The following ADAMTS5 variants were observed in gnomAD, a reference collection of about 807,000 sequenced individuals.
ADAMTS5 encodes the protein A disintegrin and metalloproteinase with thrombospondin motifs 5.
A neutral mutation model predicts 81.4 loss-of-function variants in ADAMTS5; 54 were observed. The observed-to-expected ratio is 0.66, with a 90% CI of 0.53 to 0.83. The LOEUF (loss-of-function observed/expected upper bound fraction) is 0.83, where lower values mean the gene tolerates loss of function less well. Among genes scored for constraint, ADAMTS5 ranks in the 40% least tolerant of loss-of-function variants. ADAMTS5 has a pLI of 0.00. For missense variants in ADAMTS5, 1,194 were observed against 1,229.9 expected (o/e 0.97, Z 0.44); for synonymous variants, 532 against 508.8 (o/e 1.05, Z -0.61).
chr21:26,945,296 G>T (rs1002828354), intron 2 of ADAMTS5, among the ~76,000 whole-genome samples: 2 of 152,088 alleles, frequency 1.3e-5, no homozygotes, highest in Non-Finnish European at 2.9e-5. Context: ...TGAGGGATAT[G>T]GTGGAAATTT....
At position 26,965,666 on chromosome 21, in the gene ADAMTS5, G is replaced by C. The variant is rs769813954; in HGVS notation, c.726C>G (p.Ser242=). ...AALASQLLDQ[S]ALSPAGGSGP... Reference sequence around the variant, plus strand: ...CTGAGCCCCCAGCGGGCGAGAGAGCGGACTGGTCCAAGAGCTGCGAGGCCA... The same window carrying C: ...CTGAGCCCCCAGCGGGCGAGAGAGCCGACTGGTCCAAGAGCTGCGAGGCCA... Residue 242 remains serine (S), a synonymous_variant, in exon 1 of 8, where the codon TCC becomes TCG. Coordinates refer to ENST00000284987, the MANE Select transcript of ADAMTS5 (RefSeq NM_007038.5). 1 of 1,590,240 alleles carries C rather than the reference G, an allele frequency of 6.3e-7. No individual in the cohort carries two copies. The highest frequency in any genetic ancestry group is 1.1e-5 in the South Asian group (1 of 88,766).
At position 26,934,715 on chromosome 21, in the gene ADAMTS5, G is replaced by A. The variant is rs1161444439; in HGVS notation, c.1440C>T (p.Ile480=). The part of the protein sequence containing the change: ...NCLLDLPRKQ[I]LGPEELPGQT... ...GTCCTGGGAGTTCTTCGGGGCCCAG[G>A]ATCTGCTTTCGTGGTAGGTCCAGCA... The change falls in exon 4 of 8, where the codon ATC becomes ATT. Residue 480 remains isoleucine, a synonymous_variant. Coordinates refer to ENST00000284987, the MANE Select transcript of ADAMTS5 (RefSeq NM_007038.5). The A allele has an allele frequency of 1.2e-6, 2 of 1,614,194 alleles. No individual in the cohort carries two copies. Among genetic ancestry groups the A allele is most frequent in the Non-Finnish European group, 1.7e-6 (2 of 1,180,028 alleles).
At chr21:26,954,925 C>T (rs769428857) in intron 1 of ADAMTS5, 54 bp from the exon 2 acceptor site, 408 of 1,599,430 alleles carry the variant, frequency 2.6e-4, no homozygotes, top group Middle Eastern at 2.2e-3. Flanking sequence ...CAGAAGGAGC[C>T]GCCACATAGA....
intron 7 of ADAMTS5, among the ~76,000 whole-genome samples, chr21:26,925,393 T>C (rs1986788339): frequency 6.6e-6 from 1 of 152,144 alleles, no homozygotes; most frequent in East Asian, 1.9e-4. Flanking sequence ...TTTTCTGAAT[T>C]CTTAGTGCCC....
rs772676536 is a variant in ADAMTS5 at position 26,965,868 on chromosome 21, T to A, written c.524A>T (p.Glu175Val). Residue 175 changes from glutamate (E) to valine (V), a missense_variant, in exon 1 of 8, where the codon GAG becomes GTG. Physicochemically the swap from Glu to Val is moderately radical, Grantham distance 121. Transcript: ENST00000284987. Reference sequence around the variant, plus strand: ...CCCGTACACGCGCCCCTTTTCTTCCTCCGCCCAGGGTCCGCGCAGCAGTGG... The same window carrying A: ...CCCGTACACGCGCCCCTTTTCTTCCACCGCCCAGGGTCCGCGCAGCAGTGG... ...LKPLLRGPWAEEEKGRVYGDG... is the reference protein window; with the variant it reads ...LKPLLRGPWAVEEKGRVYGDG... The A allele has an allele frequency of 3.1e-6, 5 of 1,613,504 alleles. No individual in the cohort carries two copies. The highest frequency in any genetic ancestry group is 4.5e-5 in the East Asian group (2 of 44,836).
chr21:26,947,726 C>A (rs139753993), intron 2 of ADAMTS5, among the ~76,000 whole-genome samples: 1 of 152,140 alleles, frequency 6.6e-6, no homozygotes, highest in Non-Finnish European at 1.5e-5. Flanking sequence ...TGAACCACTG[C>A]GCCCGATCAG....
intron 1 of ADAMTS5, among the ~76,000 whole-genome samples, chr21:26,960,340 T>A (rs1174022146): frequency 1.3e-5 from 2 of 152,216 alleles, no homozygotes; most frequent in African/African-American, 4.8e-5. Context: ...TTTCAATGAT[T>A]GCCATTGCAC....
chr21:26,944,842 A>G (rs551653411), intron 2 of ADAMTS5, among the ~76,000 whole-genome samples: 39 of 152,254 alleles, frequency 2.6e-4, no homozygotes, highest in Non-Finnish European at 5.0e-4. Flanking sequence ...CCTCATAACA[A>G]AATTGTCCAC....
At chr21:26,930,619 C>T (rs7281494) in intron 6 of ADAMTS5, among the ~76,000 whole-genome samples, 1,982 of 152,152 alleles carry the variant, frequency 0.013, 38 homozygotes, top group African/African-American at 0.04. Context: ...GTTAGATGAA[C>T]GGACTTACTG....
At chr21:26,952,115 CA>C (rs1490560040) in intron 2 of ADAMTS5, among the ~76,000 whole-genome samples, 1 of 152,080 alleles carries the variant, frequency 6.6e-6, no homozygotes, top group Non-Finnish European at 1.5e-5. Context: ...ATATGTAATA[CA>C]AAAGGGAAGT....
At chr21:26,931,610 AG>A (rs1417195895) in intron 6 of ADAMTS5, among the ~76,000 whole-genome samples, 1 of 152,188 alleles carries the variant, frequency 6.6e-6, no homozygotes, top group Non-Finnish European at 1.5e-5. Flanking sequence ...GGCTCATCAA[AG>A]GAATTCTTAA....
chr21:26,929,963 C>A lies in ADAMTS5; in HGVS notation c.2148G>T (p.Leu716=). 4 of 1,614,140 alleles carry A rather than the reference C, an allele frequency of 2.5e-6. No individual in the cohort carries two copies. In the South Asian group the frequency reaches 3.3e-5, roughly 13 times the overall value. ...CACATACTCCGCACTTGTCATACTG[C>A]AGCTTTGAGCCAATGATGCCGTCAC... is the stretch of plus-strand genomic sequence containing the variant. ...TGCDGIIGSK[L]QYDKCGVCGG... The change falls in exon 7 of 8, where the codon CTG becomes CTT. Residue 716 remains leucine (L), a synonymous_variant. Coordinates refer to ENST00000284987, the MANE Select transcript of ADAMTS5 (RefSeq NM_007038.5).
chr21:26,927,448 G>C (rs1471742983), intron 7 of ADAMTS5, among the ~76,000 whole-genome samples: 1 of 152,170 alleles, frequency 6.6e-6, no homozygotes, highest in Non-Finnish European at 1.5e-5. Context: ...ATTCTGGAAA[G>C]TGTACTGCTC....
Position 26,924,340 on chromosome 21 carries a change from C to A in ADAMTS5, c.2506G>T (p.Ala836Ser). ...TKEILIVQIL[A>S]TDPTKPLDVR... is the part of the protein sequence containing the mutation. ...TCTAATGGTTTAGTGGGGTCTGTTG[C>A]AAGAATCTGCACTATTAGAATTTCC... The change falls in exon 8 of 8, where the codon GCA (alanine) becomes TCA (serine). Residue 836 changes from alanine to serine, a missense_variant. By Grantham distance (99) the Ala-to-Ser change is moderately conservative. Transcript: ENST00000284987. The A allele has an allele frequency of 6.2e-7, 1 of 1,614,186 alleles. No individual in the cohort carries two copies. The highest frequency in any genetic ancestry group is 8.5e-7 in the Non-Finnish European group (1 of 1,180,038).
At chr21:26,961,244 T>A (rs1325111231) in intron 1 of ADAMTS5, among the ~76,000 whole-genome samples, 4 of 152,260 alleles carry the variant, frequency 2.6e-5, no homozygotes, top group Non-Finnish European at 5.9e-5. Context: ...GGTTACAGAT[T>A]GTTGAAATGA....
chr21:26,918,853 G>C lies in ADAMTS5; in HGVS notation c.*5200C>G, dbSNP rs1238047552. The C allele has an allele frequency of 1.3e-5, 2 of 151,440 alleles. No individual in the cohort carries two copies. The highest frequency in any genetic ancestry group is 2.4e-5 in the African/African-American group (1 of 41,218). 9.4% of individuals were successfully genotyped at this position (151,440 alleles called of 1,614,324 possible). ...CACGACAGTTTGAATGGAATGCTGA[G>C]GACTTAGTGAATGCTGAAATATGAC... is the stretch of plus-strand genomic sequence containing the variant. On this transcript the variant is annotated 3_prime_UTR_variant, in exon 8 of 8. Coordinates refer to ENST00000284987, the MANE Select transcript of ADAMTS5 (RefSeq NM_007038.5).
chr21:26,962,364 C>G (rs149841192), intron 1 of ADAMTS5, among the ~76,000 whole-genome samples: 1 of 152,192 alleles, frequency 6.6e-6, no homozygotes, highest in Admixed American at 6.5e-5. Flanking sequence ...TGAATTCCAG[C>G]ATTAGTGCCA....
At chr21:26,947,383 T>A (rs139546417) in intron 2 of ADAMTS5, among the ~76,000 whole-genome samples, 85 of 152,260 alleles carry the variant, frequency 5.6e-4, no homozygotes, top group African/African-American at 2.0e-3. Context: ...ACGAGTATTT[T>A]CCAAGCGGTG....
intron 4 of ADAMTS5, 55 bp from the exon 5 acceptor site, chr21:26,933,099 T>A: frequency 3.9e-6 from 6 of 1,529,856 alleles, no homozygotes; most frequent in Non-Finnish European, 5.3e-6. Context: ...ACATTGAAAG[T>A]GTGCATTTGG....
Sources: allele counts gnomAD v4.1 joint callset (sites outside exome capture counted in the v4.1 genomes callset), GRCh38; gene constraint gnomAD v4.1.1; transcripts MANE v1.5; gene names NCBI Gene and HGNC (gene_info 2026-07-23, HGNC 2026-07-21).